SPATA18: variants seen among roughly 807,000 people sequenced by gnomAD.
The protein encoded by SPATA18 is spermatogenesis associated 18.
SPATA18 carries 54 observed loss-of-function variants against 68.1 expected under a neutral mutation model. The ratio of observed to expected loss-of-function variants is 0.79; its 90% CI spans 0.64 to 0.99. The LOEUF (loss-of-function observed/expected upper bound fraction) is 0.99. Among genes scored for constraint, SPATA18 ranks in the 50% least tolerant of loss-of-function variants. SPATA18 has a pLI of 0.00. For synonymous variants in SPATA18, 242 were observed against 244.8 expected (o/e 0.99, Z 0.11); for missense variants, 724 against 681.1 (o/e 1.06, Z -0.70).
At chr4:52,064,863 T>G (rs1441019122) in intron 4 of SPATA18, among the ~76,000 whole-genome samples, 1 of 152,232 alleles carries the variant, frequency 6.6e-6, no homozygotes, top group African/African-American at 2.4e-5. Flanking sequence ...TTTTCAATAG[T>G]GGTTGTACTA....
intron 6 of SPATA18, among the ~76,000 whole-genome samples, chr4:52,073,559 C>G (rs980352060): frequency 3.3e-5 from 5 of 152,152 alleles, no homozygotes; most frequent in Middle Eastern, 3.4e-3. Flanking sequence ...ATTGCTTGAG[C>G]CCAGGAGTTC....
intron 5 of SPATA18, 30 bp downstream of exon 5, chr4:52,069,946 C>T (rs939158091): frequency 1.2e-5 from 18 of 1,499,368 alleles, no homozygotes; most frequent in Admixed American, 1.8e-5. Flanking sequence ...ATTATTGCAG[C>T]CTAAATCATT....
chr4:52,072,257 C>A (rs1352119240), intron 6 of SPATA18, 101 bp downstream of exon 6: 3 of 1,509,014 alleles, frequency 2.0e-6, no homozygotes, highest in Non-Finnish European at 2.7e-6. Context: ...ATACCCTGAA[C>A]CAAAACCTCA....
At chr4:52,057,435 G>A (rs1158114493) in intron 1 of SPATA18, among the ~76,000 whole-genome samples, 1 of 152,172 alleles carries the variant, frequency 6.6e-6, no homozygotes, top group Admixed American at 6.5e-5. Flanking sequence ...GTTGTAACAT[G>A]TCTTGGGAAG....
chr4:52,076,228 G>A (rs1250467082), intron 6 of SPATA18, among the ~76,000 whole-genome samples: 3 of 152,144 alleles, frequency 2.0e-5, no homozygotes, highest in African/African-American at 7.2e-5. Flanking sequence ...GCAGGAGCAG[G>A]CTGAGGACAG....
intron 11 of SPATA18, among the ~76,000 whole-genome samples, chr4:52,086,939 CTT>C (rs1741487119): frequency 6.6e-6 from 1 of 152,262 alleles, no homozygotes; most frequent in Non-Finnish European, 1.5e-5. Flanking sequence ...TGTTTCCTGA[CTT>C]TTTAATGATT....
intron 1 of SPATA18, among the ~76,000 whole-genome samples, chr4:52,055,276 A>C (rs1389977590): frequency 1.3e-5 from 2 of 152,238 alleles, no homozygotes; most frequent in Non-Finnish European, 2.9e-5. Flanking sequence ...TTCTACACTT[A>C]TAACGTGGAA....
intron 4 of SPATA18, among the ~76,000 whole-genome samples, chr4:52,068,064 A>G (rs963733254): frequency 2.0e-5 from 3 of 152,230 alleles, no homozygotes; most frequent in Non-Finnish European, 2.9e-5. Flanking sequence ...GTTTGCTTAT[A>G]TGTGCATCCG....
intron 1 of SPATA18, among the ~76,000 whole-genome samples, chr4:52,058,652 G>A (rs1159735781): frequency 6.6e-6 from 1 of 152,010 alleles, no homozygotes; most frequent in Non-Finnish European, 1.5e-5. Flanking sequence ...AATACTCAAG[G>A]GTCCCCTCCA....
chr4:52,052,911 G>GTTCAGTCCTTTGCTCCCTT (rs1199628108), intron 1 of SPATA18, among the ~76,000 whole-genome samples: 1 of 152,160 alleles, frequency 6.6e-6, no homozygotes, highest in Non-Finnish European at 1.5e-5. Flanking sequence ...AGTGCTTCCT[G>GTTCAGTCCTTTGCTCCCTT]TTCAGTCCTT....
chr4:52,077,546 A>T (rs896366133), intron 7 of SPATA18, among the ~76,000 whole-genome samples: 1 of 151,986 alleles, frequency 6.6e-6, no homozygotes, highest in Non-Finnish European at 1.5e-5. Context: ...GGTTATATTG[A>T]CCAGGCATTT....
intron 1 of SPATA18, among the ~76,000 whole-genome samples, chr4:52,058,613 G>A (rs983906587): frequency 2.0e-5 from 3 of 152,094 alleles, no homozygotes; most frequent in Non-Finnish European, 4.4e-5. Context: ...TTCCCTAGTG[G>A]TGTGCTTCCC....
intron 6 of SPATA18, among the ~76,000 whole-genome samples, chr4:52,075,251 T>C (rs1047381050): frequency 4.6e-5 from 7 of 152,150 alleles, no homozygotes; most frequent in African/African-American, 1.7e-4. Flanking sequence ...TCTGCAGTGA[T>C]GACAGGCCCG....
chr4:52,095,232 G>C lies in SPATA18; in HGVS notation c.*345G>C. The C allele has an allele frequency of 3.1e-6, 1 of 319,902 alleles. No individual in the cohort carries two copies. The highest frequency in any genetic ancestry group is 5.7e-6 in the Non-Finnish European group (1 of 176,290). The allele number at this position is 319,902 out of a possible 1,614,324, so 19.8% of individuals were successfully genotyped here. A position where few individuals can be genotyped will look rare whatever the true frequency, so the allele number is the denominator to read the frequency against. On this transcript the variant is annotated 3_prime_UTR_variant, in exon 13 of 13. Transcript: ENST00000295213. ...TATGGGAACTGTGTGAACTGAAGTG[G>C]AAAGCATCTACCATGCTGAGGCTAA... is the stretch of plus-strand genomic sequence containing the variant.
intron 3 of SPATA18, 36 bp from the exon 4 acceptor site, chr4:52,062,184 C>CT: frequency 9.5e-7 from 1 of 1,053,976 alleles, no homozygotes; most frequent in Non-Finnish European, 1.4e-6. Context: ...TGTATTCAGA[C>CT]TGTTTTTTTT....
At chr4:52,054,754 T>C (rs1247604410) in intron 1 of SPATA18, among the ~76,000 whole-genome samples, 1 of 151,828 alleles carries the variant, frequency 6.6e-6, no homozygotes, top group East Asian at 1.9e-4. Flanking sequence ...CAGTTGAAGT[T>C]GCAGTTATGG....
At chr4:52,060,325 AGGCAGCTCGTGGGTC>A in intron 1 of SPATA18, 79 bp from the exon 2 acceptor site, 1 of 920,740 alleles carries the variant, frequency 1.1e-6, no homozygotes, top group African/African-American at 1.6e-5. Flanking sequence ...TACCAGAGCC[AGGCAGCTCGTGGGTC>A]AAGTGAGGCC....
chr4:52,058,974 T>C (rs1164144975), intron 1 of SPATA18, among the ~76,000 whole-genome samples: 1 of 152,236 alleles, frequency 6.6e-6, no homozygotes, highest in Non-Finnish European at 1.5e-5. Context: ...AAAGCACTAA[T>C]AGAGCCTGGC....
rs746949376 is a variant in SPATA18, at chr4:52,078,763, T to C, written c.1049T>C (p.Phe350Ser). The C allele has an allele frequency of 6.3e-7, 1 of 1,591,276 alleles. No homozygotes were observed. The highest frequency in any genetic ancestry group is 8.6e-7 in the Non-Finnish European group (1 of 1,161,876). ...VEAFHVAKMA[F>S]RHFKIHVRKS... ...GCATTCCATGTAGCAAAAATGGCAT[T>C]CAGACACTTCAAGATCCATGTGAGA... Residue 350 changes from phenylalanine to serine, a missense_variant, in exon 8 of 13, where the codon TTC (phenylalanine) becomes TCC (serine). By Grantham distance (155) the Phe-to-Ser change is radical. Coordinates refer to ENST00000295213, the MANE Select transcript of SPATA18 (RefSeq NM_145263.4).
Sources: allele counts gnomAD v4.1 joint callset (sites outside exome capture counted in the v4.1 genomes callset), GRCh38; gene constraint gnomAD v4.1.1; transcripts MANE v1.5; gene names NCBI Gene and HGNC (gene_info 2026-07-23, HGNC 2026-07-21).